TRAK2: variants seen among roughly 807,000 people sequenced by gnomAD.
The protein encoded by TRAK2 is trafficking kinesin-binding protein 2.
TRAK2 carries 81 observed loss-of-function variants against 104.6 expected under a neutral mutation model. That is an observed-to-expected ratio of 0.77 (90% CI 0.65 to 0.93). The LOEUF is 0.93. TRAK2 is among the 40% of genes least tolerant of loss of function. The pLI, the probability that TRAK2 is intolerant of heterozygous loss-of-function variation, is 0.00. For synonymous variants in TRAK2, 406 were observed against 394.4 expected (o/e 1.03, Z -0.35); for missense variants, 1,002 against 1,089.0 (o/e 0.92, Z 1.12).
intron 11 of TRAK2, 119 bp from the exon 12 acceptor site, chr2:201,389,622 C>A (rs1951426490): frequency 8.9e-7 from 1 of 1,125,674 alleles, no homozygotes; most frequent in Non-Finnish European, 1.3e-6. Context: ...TAGGAGAAAT[C>A]ATCAGAAAAT....
intron 1 of TRAK2, among the ~76,000 whole-genome samples, chr2:201,426,183 T>A (rs1257824699): frequency 1.3e-5 from 2 of 152,142 alleles, no homozygotes; most frequent in African/African-American, 4.8e-5. Context: ...CCGCTCCCCA[T>A]CACTCGCATT....
Position 201,407,462 on chromosome 2 carries a change from C to A in TRAK2, c.227G>T (p.Arg76Leu), listed in dbSNP as rs539651546. Reference protein sequence around the residue: ...NQDWTQSPHQRQHASDALSPV... With the variant: ...NQDWTQSPHQLQHASDALSPV... The stretch of plus-strand genomic sequence containing the variant: ...AGAGAGAGCATCAGATGCATGCTGC[C>A]GCTGGTGTGGAGACTGAGTCCAGTC... The change falls in exon 3 of 16, where the codon CGG becomes CTG. Residue 76 changes from arginine to leucine, a missense_variant. By Grantham distance (102) the Arg-to-Leu change is moderately radical. Coordinates refer to ENST00000332624, the MANE Select transcript of TRAK2 (RefSeq NM_015049.3). 29 of 1,613,860 alleles carry A rather than the reference C, an allele frequency of 1.8e-5. No homozygotes were observed. In the South Asian group the frequency reaches 3.2e-4, roughly 18 times the overall value.
intron 1 of TRAK2, among the ~76,000 whole-genome samples, chr2:201,427,607 T>C (rs556164561): frequency 3.1e-4 from 47 of 152,338 alleles, no homozygotes; most frequent in African/African-American, 1.1e-3. Context: ...GTCTTTGCTA[T>C]TGTGAATAGT....
chr2:201,434,733 T>G (rs554029725), intron 1 of TRAK2, among the ~76,000 whole-genome samples: 1 of 152,350 alleles, frequency 6.6e-6, no homozygotes, highest in East Asian at 1.9e-4. Flanking sequence ...TGGACAGGAT[T>G]TCTATCTTTT....
chr2:201,389,557 GA>G, intron 11 of TRAK2, 54 bp from the exon 12 acceptor site: 1 of 1,503,398 alleles, frequency 6.7e-7, no homozygotes, highest in East Asian at 2.3e-5. Flanking sequence ...AAAGCATCTA[GA>G]GAAGAGAATG....
chr2:201,425,711 T>A (rs367670685), intron 1 of TRAK2, among the ~76,000 whole-genome samples: 1 of 105,222 alleles, frequency 9.5e-6, no homozygotes. Flanking sequence ...CCAGAAAGCA[T>A]TGCTTTTTTT....
In TRAK2 at chr2:201,389,881, C is replaced by G; in HGVS notation, c.1114-1G>C. 6.2e-7 allele frequency: 1 copy of G among 1,611,870 alleles called. No homozygotes were observed. Among genetic ancestry groups the G allele is most frequent in the Non-Finnish European group, 8.5e-7 (1 of 1,179,018 alleles). ...CCTCAATCTCAGCTGCCAAAGATTC[C>G]TAAGAAAAAGAGTTTGAGATTTCTA... On this transcript the variant is annotated splice_acceptor_variant, in intron 10 of 15. Transcript: ENST00000332624. LOFTEE classifies it high-confidence loss of function.
At chr2:201,445,466 T>C (rs1427059820) in intron 1 of TRAK2, among the ~76,000 whole-genome samples, 2 of 152,226 alleles carry the variant, frequency 1.3e-5, no homozygotes, top group Non-Finnish European at 2.9e-5. Context: ...CTGGATTAGA[T>C]CTAATATCCA....
chr2:201,401,723 A>G (rs1576515337), intron 3 of TRAK2, among the ~76,000 whole-genome samples: 1 of 152,104 alleles, frequency 6.6e-6, no homozygotes, highest in Non-Finnish European at 1.5e-5. Context: ...TATTAGTTGT[A>G]TAATTCAAGC....
At chr2:201,445,185 G>A (rs980609807) in intron 1 of TRAK2, among the ~76,000 whole-genome samples, 5 of 152,106 alleles carry the variant, frequency 3.3e-5, no homozygotes, top group African/African-American at 7.2e-5. Flanking sequence ...ATCTTCAAGA[G>A]GTTATGTGAG....
chr2:201,432,800 G>C (rs1350848672), intron 1 of TRAK2, among the ~76,000 whole-genome samples: 1 of 151,894 alleles, frequency 6.6e-6, no homozygotes, highest in African/African-American at 2.4e-5. Flanking sequence ...GTAGAGCCTG[G>C]GATTGCAAAA....
At chr2:201,450,364 G>C (rs916900609) in intron 1 of TRAK2, among the ~76,000 whole-genome samples, 1 of 151,662 alleles carries the variant, frequency 6.6e-6, no homozygotes, top group African/African-American at 2.4e-5. Flanking sequence ...GCAGTGAGCC[G>C]AGATCACCCC....
chr2:201,383,220 T>G (rs529111670), intron 15 of TRAK2, among the ~76,000 whole-genome samples: 2 of 152,376 alleles, frequency 1.3e-5, no homozygotes, highest in East Asian at 3.9e-4. Flanking sequence ...GTCTGGCCTT[T>G]GCCCTCTGCT....
intron 2 of TRAK2, among the ~76,000 whole-genome samples, chr2:201,408,422 C>T (rs1951615577): frequency 6.6e-6 from 1 of 151,852 alleles, no homozygotes. Flanking sequence ...ATTTCATCAC[C>T]CAGGTACCAG....
intron 1 of TRAK2, among the ~76,000 whole-genome samples, chr2:201,426,317 G>C (rs1274780243): frequency 6.6e-6 from 1 of 152,206 alleles, no homozygotes; most frequent in Non-Finnish European, 1.5e-5. Flanking sequence ...TCGAATGCCT[G>C]ATGGTCTGTC....
At chr2:201,413,463 G>A (rs1951665986) in intron 2 of TRAK2, among the ~76,000 whole-genome samples, 1 of 151,864 alleles carries the variant, frequency 6.6e-6, no homozygotes, top group South Asian at 2.1e-4. Context: ...GGAGGGGAGG[G>A]ATTGGGGACG....
At chr2:201,405,299 T>C (rs1951584474) in intron 3 of TRAK2, among the ~76,000 whole-genome samples, 1 of 152,184 alleles carries the variant, frequency 6.6e-6, no homozygotes, top group South Asian at 2.1e-4. Flanking sequence ...AAAGTATACC[T>C]ACCAATTGGA....
At chr2:201,413,357 A>T in intron 2 of TRAK2, 2 of 847,554 alleles carry the variant, frequency 2.4e-6, no homozygotes, top group Non-Finnish European at 3.6e-6. Context: ...TCCTTCCAGG[A>T]GGGGCAGAAC....
chr2:201,445,789 G>A (rs1217540198), intron 1 of TRAK2, among the ~76,000 whole-genome samples: 1 of 152,230 alleles, frequency 6.6e-6, no homozygotes, highest in Non-Finnish European at 1.5e-5. Context: ...GACTAGTTCA[G>A]ATTAAGAAGT....
Sources: gnomAD v4.1 joint callset for allele counts (sites outside exome capture counted in the v4.1 genomes callset) on GRCh38, gnomAD v4.1.1 for gene constraint, MANE v1.5 for transcripts, NCBI Gene and HGNC (gene_info 2026-07-23, HGNC 2026-07-21) for gene names.